Variants in PACS2 observed in about 807,000 individuals in gnomAD.
PACS2 encodes phosphofurin acidic cluster sorting protein 2.
A neutral mutation model predicts 113.0 loss-of-function variants in PACS2; 36 were observed. The ratio of observed to expected loss-of-function variants is 0.32; its 90% CI spans 0.24 to 0.42. The LOEUF (loss-of-function observed/expected upper bound fraction) is 0.42. Ranked by LOEUF, PACS2 falls within the 10% of genes least tolerant of loss-of-function variation. The pLI, the probability that PACS2 is intolerant of heterozygous loss-of-function variation, is 1.00. For missense variants in PACS2, 1,015 were observed against 1,239.5 expected, an observed-to-expected ratio of 0.82 and a Z score of 2.72; for synonymous variants, 589 against 536.1, an observed-to-expected ratio of 1.10 and a Z score of -1.36.
chr14:105,391,420 G>A, intron 21 of PACS2, 171 bp downstream of exon 21: 1 of 665,116 alleles, frequency 1.5e-6, no homozygotes, highest in Non-Finnish European at 2.6e-6. Context: ...AAGGACTGCT[G>A]TCACAAAGCC....
intron 1 of PACS2, among the ~76,000 whole-genome samples, chr14:105,335,895 C>T (rs1201498733): frequency 2.0e-5 from 3 of 152,226 alleles, no homozygotes; most frequent in African/African-American, 2.4e-5. Context: ...CAGAGAGCCC[C>T]GTGGAACTCT....
Position 105,368,798 on chromosome 14 carries a change from C to T in PACS2, c.741+259C>T, listed in dbSNP as rs138765820. Among the ~76,000 whole-genome samples, 195 of 152,376 alleles carry T rather than the reference C, an allele frequency of 1.3e-3. 1 individual carries two copies. The highest frequency in any genetic ancestry group is 4.5e-3 in the African/African-American group (188 of 41,602). ...TGAGCAAGGCTGGGAGGCTGCCTCGCTGCCAGGCTCACTCCATGTGCAGAA... is the reference window on the plus strand; with the variant it reads ...TGAGCAAGGCTGGGAGGCTGCCTCGTTGCCAGGCTCACTCCATGTGCAGAA... On this transcript the variant is annotated intron_variant, in intron 7 of 24. Coordinates refer to ENST00000447393, the MANE Select transcript of PACS2 (RefSeq NM_001100913.3).
In PACS2 at chr14:105,358,101, C is replaced by T. The variant is rs2060525511; in HGVS notation, c.423+2924C>T. On this transcript the variant is annotated intron_variant, in intron 4 of 24. Transcript: ENST00000447393. This position sits in a 1 kb window ranked among gnomAD's most constrained non-coding sequence, Gnocchi z 4.9. ...GAGGGGCTGGGAGCAGCCTGGGCCC[C>T]TGCCACACCATAGCTCTGCCCTCAC... Among the ~76,000 whole-genome samples, 3 of 152,228 alleles carry T rather than the reference C, an allele frequency of 2.0e-5. No homozygotes were observed. Among genetic ancestry groups the T allele is most frequent in the Non-Finnish European group, 4.4e-5 (3 of 68,030 alleles).
In PACS2 at chr14:105,379,754, C is replaced by A. The variant is rs1566958788; in HGVS notation, c.975C>A (p.Gly325=). The stretch of plus-strand genomic sequence containing the variant: ...CCTGAGCCAGGCCATACTTTGAAGG[C>A]CTGTCGCACTCGAGCTCGCAGACGG... ...PKPKLRPYFE[G]LSHSSSQTEI... Residue 325 remains glycine (G), a synonymous_variant, in exon 10 of 25, where the codon GGC becomes GGA. Coordinates refer to ENST00000447393, the MANE Select transcript of PACS2 (RefSeq NM_001100913.3). 1 of 1,613,762 alleles carries A rather than the reference C, an allele frequency of 6.2e-7. No homozygotes were observed. Among genetic ancestry groups the A allele is most frequent in the Middle Eastern group, 1.6e-4 (1 of 6,062 alleles).
intron 18 of PACS2, 76 bp from the exon 19 acceptor site, chr14:105,385,609 G>A: frequency 1.0e-6 from 1 of 984,288 alleles, no homozygotes; most frequent in South Asian, 1.7e-5. Flanking sequence ...GCCACTGAGT[G>A]CCCTCGGCGG....
rs781808647 is a variant in PACS2 at position 105,383,556 on chromosome 14, C to CG, written c.1780+46dup. On this transcript the variant is annotated intron_variant, in intron 16 of 24. Transcript: ENST00000447393. ...CACCTGGGCCTGGGCACAGATGCCACGGGCAGTGTGGCGTGGCATGGAGTG... is the reference window on the plus strand; with the variant it reads ...CACCTGGGCCTGGGCACAGATGCCACGGGGCAGTGTGGCGTGGCATGGAGTG... 1.9e-6 allele frequency: 3 copies of CG among 1,539,592 alleles called. No homozygotes were observed. The South Asian group carries it at 3.7e-5, about 19-fold the overall frequency.
At chr14:105,333,632 C>G (rs2059389330) in intron 1 of PACS2, among the ~76,000 whole-genome samples, 1 of 152,252 alleles carries the variant, frequency 6.6e-6, no homozygotes, top group Non-Finnish European at 1.5e-5. Context: ...GTGCCAAAAC[C>G]TGGGACACCT....
In PACS2 at chr14:105,315,057, C is replaced by G; in HGVS notation, c.119+20C>G. The G allele has an allele frequency of 3.5e-6, 4 of 1,153,844 alleles. No individual in the cohort carries two copies. The South Asian group carries it at 9.7e-5, about 28-fold the overall frequency. The allele number at this position is 1,153,844 out of a possible 1,614,324, so 71.5% of individuals were successfully genotyped here. On this transcript the variant is annotated intron_variant, in intron 1 of 24. Coordinates refer to ENST00000447393, the MANE Select transcript of PACS2 (RefSeq NM_001100913.3). This position sits in a 1 kb window ranked among gnomAD's most constrained non-coding sequence, Gnocchi z 4.4. ...GCCCAGGTACGCGCCGCCCGCCGCG[C>G]TTTGTTCCCGCCGGGCACCTGCTGG...
upstream of PACS2, among the ~76,000 whole-genome samples, chr14:105,310,027 A>G (rs1595524965): frequency 4.7e-5 from 7 of 150,484 alleles, no homozygotes; most frequent in Admixed American, 4.6e-4. Flanking sequence ...CTGGAGATCC[A>G]CCCGCCTCGG....
At chr14:105,349,520 C>G (rs1163759878) in intron 2 of PACS2, among the ~76,000 whole-genome samples, 3 of 152,248 alleles carry the variant, frequency 2.0e-5, no homozygotes, top group African/African-American at 7.2e-5. Flanking sequence ...GACACGGGGT[C>G]TCCGGGTCTC....
intron 1 of PACS2, among the ~76,000 whole-genome samples, chr14:105,316,638 C>T (rs2058652080): frequency 6.6e-6 from 1 of 152,158 alleles, no homozygotes; most frequent in African/African-American, 2.4e-5. Flanking sequence ...CTTATCAGCC[C>T]CCCTGTGGAG....
At chr14:105,322,221 C>T (rs2058922529) in intron 1 of PACS2, among the ~76,000 whole-genome samples, 2 of 151,670 alleles carry the variant, frequency 1.3e-5, no homozygotes, top group African/African-American at 4.8e-5. Flanking sequence ...CAGGCTGAGC[C>T]TCTGTGCCCG....
rs1358873694 is a variant in PACS2, at chr14:105,395,870, T to TG, written c.*1202dup. 3 of 152,262 alleles carry TG rather than the reference T, an allele frequency of 2.0e-5. No individual in the cohort carries two copies. Among genetic ancestry groups the TG allele is most frequent in the African/African-American group, 7.2e-5 (3 of 41,422 alleles). 9.4% of individuals were successfully genotyped at this position (152,262 alleles called of 1,614,324 possible). ...GCTTCTCCCCAGTAAGCCTGCACTG[T>TG]GGGGTCTCCATAGGAGGAGCTGGGG... On this transcript the variant is annotated 3_prime_UTR_variant, in exon 25 of 25. Transcript: ENST00000447393.
At position 105,355,073 on chromosome 14, in the gene PACS2, G is replaced by A; in HGVS notation, c.319G>A (p.Glu107Lys). 1 of 1,613,504 alleles carries A rather than the reference G, an allele frequency of 6.2e-7. No individual in the cohort carries two copies. Among genetic ancestry groups the A allele is most frequent in the Middle Eastern group, 1.7e-4 (1 of 6,058 alleles). Residue 107 changes from glutamate (E) to lysine (K), a missense_variant, in exon 4 of 25, where the codon GAA (glutamate) becomes AAA (lysine). Glu to Lys is a moderately conservative substitution (Grantham distance 56). Transcript: ENST00000447393. This position sits in a 1 kb window ranked among gnomAD's most constrained non-coding sequence, Gnocchi z 4.1. ...SLQYPHFLKR[E>K]GNKLQIMLQR... is the part of the protein sequence containing the mutation. ...ACAGTATCCTCACTTCTTGAAGAGGGAAGGCAACAAGCTTCAGATCATGCT... is the reference window on the plus strand; with the variant it reads ...ACAGTATCCTCACTTCTTGAAGAGGAAAGGCAACAAGCTTCAGATCATGCT...
At chr14:105,386,606 T>C (rs2081184672) in intron 19 of PACS2, among the ~76,000 whole-genome samples, 1 of 152,074 alleles carries the variant, frequency 6.6e-6, no homozygotes, top group Admixed American at 6.5e-5. Context: ...GGGCTCGTTC[T>C]CTACCCCGTG....
rs28714523 is a variant in PACS2 at position 105,356,897 on chromosome 14, T to C, written c.423+1720T>C. ...CAGGCGATGTCCTGCTGATCCCTGC[T>C]GGTCCCTGTGTTTCCCATTAGCCAT... On this transcript the variant is annotated intron_variant, in intron 4 of 24. Transcript: ENST00000447393. This position sits in a 1 kb window ranked among gnomAD's most constrained non-coding sequence, Gnocchi z 4.0. Among the ~76,000 whole-genome samples the C allele has an allele frequency of 0.013, 1,498 of 119,620 alleles. 155 individuals carry two copies. Among genetic ancestry groups the C allele is most frequent in the African/African-American group, 0.078 (1,280 of 16,488 alleles). 78.5% of individuals were successfully genotyped at this position (119,620 alleles called of 152,430 possible).
At chr14:105,311,874 A>G (rs2058359026), upstream of PACS2, among the ~76,000 whole-genome samples, 2 of 152,136 alleles carry the variant, frequency 1.3e-5, no homozygotes, top group Admixed American at 1.3e-4. Flanking sequence ...TGCTCCAACC[A>G]TGGGAGTGGA....
intron 4 of PACS2, among the ~76,000 whole-genome samples, chr14:105,364,307 C>CGTCCCGGGTGCGCGGTGGGTGGT (rs1566943070): frequency 1.6e-5 from 2 of 125,338 alleles, no homozygotes; most frequent in African/African-American, 1.1e-4. Flanking sequence ...GTGTGGTGGG[C>CGTCCCGGGTGCGCGGTGGGTGGT]GTCCCGGGTG....
At chr14:105,331,708 A>G (rs2059308988) in intron 1 of PACS2, among the ~76,000 whole-genome samples, 1 of 152,242 alleles carries the variant, frequency 6.6e-6, no homozygotes, top group Non-Finnish European at 1.5e-5. Context: ...CCTCCAAAGG[A>G]AGGAGAGCTG....
Sources: allele counts gnomAD v4.1 joint callset (sites outside exome capture counted in the v4.1 genomes callset), GRCh38; gene constraint gnomAD v4.1.1; non-coding constraint Gnocchi (gnomAD v3.1); transcripts MANE v1.5; gene names NCBI Gene and HGNC (gene_info 2026-07-23, HGNC 2026-07-21).